The following DMXL2 variants were observed in gnomAD, a reference collection of about 807,000 sequenced individuals.
The protein encoded by DMXL2 is Dmx like 2.
Under a neutral mutation model 331.1 loss-of-function variants are expected in DMXL2, and 103 were observed. That is an observed-to-expected ratio of 0.31 (90% confidence interval 0.27 to 0.37). The LOEUF (loss-of-function observed/expected upper bound fraction) is 0.37. DMXL2 is among the 10% of genes least tolerant of loss of function. The probability of loss-of-function intolerance (pLI) is 1.00; values close to 1 mark genes in which losing one functional copy is unlikely to be tolerated. For missense variants in DMXL2, 3,171 were observed against 3,642.9 expected, an observed-to-expected ratio of 0.87 and a Z score of 3.33; for synonymous variants, 1,281 against 1,252.1, an observed-to-expected ratio of 1.02 and a Z score of -0.49.
chr15:51,506,695 C>T (rs931565830), intron 16 of DMXL2, among the ~76,000 whole-genome samples: 2 of 151,766 alleles, frequency 1.3e-5, no homozygotes, highest in Non-Finnish European at 2.9e-5. Flanking sequence ...CCTCGTGATC[C>T]GCCCACCTCG....
rs144092257 is a variant in DMXL2 at position 51,600,613 on chromosome 15, C to T, written c.87+21846G>A. Among the ~76,000 whole-genome samples, 6 of 152,302 alleles carry T rather than the reference C, an allele frequency of 3.9e-5. No individual in the cohort carries two copies. The East Asian group carries it at 1.2e-3, about 29-fold the overall frequency. The stretch of plus-strand genomic sequence containing the variant: ...AATTAAAACTGCTTGTTATTTCATG[C>T]GTTTTGTTTTACCATCTCCTCTGTA... On this transcript the variant is annotated intron_variant, in intron 1 of 43. Coordinates refer to ENST00000560891, the MANE Select transcript of DMXL2 (RefSeq NM_001378457.1).
intron 1 of DMXL2, among the ~76,000 whole-genome samples, chr15:51,609,055 C>T (rs1315355300): frequency 6.6e-6 from 1 of 151,862 alleles, no homozygotes; most frequent in Non-Finnish European, 1.5e-5. Flanking sequence ...GAATTGTCTA[C>T]AAAGAATGTA....
Position 51,448,352 on chromosome 15 carries a change from A to AT in DMXL2, c.*631dup, listed in dbSNP as rs373030881. On this transcript the variant is annotated 3_prime_UTR_variant, in exon 44 of 44. Transcript: ENST00000560891. ...AATAGAAAAACTAGCAGTCCAAAAA[A>AT]TGTGAATGTGCAAATTGTGAGTAAA... The AT allele has an allele frequency of 1.4e-4, 21 of 153,322 alleles. No individual in the cohort carries two copies. Among genetic ancestry groups the AT allele is most frequent in the African/African-American group, 5.0e-4 (21 of 41,586 alleles). 9.5% of individuals were successfully genotyped at this position (153,322 alleles called of 1,614,324 possible).
rs1180547808 is a variant in DMXL2, at chr15:51,547,371, C to A, written c.605G>T (p.Gly202Val). 1.9e-6 allele frequency: 3 copies of A among 1,610,488 alleles called. No homozygotes were observed. The highest frequency in any genetic ancestry group is 2.5e-6 in the Non-Finnish European group (3 of 1,178,484). The change falls in exon 7 of 44, where the codon GGT (glycine) becomes GTT (valine). Residue 202 changes from glycine to valine, a missense_variant. Gly to Val is a moderately radical substitution (Grantham distance 109). This residue lies in a region of DMXL2 where 1,674 missense variants were observed against 1,780.2 expected (regional missense o/e 0.94). Coordinates refer to ENST00000560891, the MANE Select transcript of DMXL2 (RefSeq NM_001378457.1). ...CLLKVWYPMT[G>V]WKSSIIPQDH... ...CTGAGGTATAATTGAAGACTTCCAACCAGTCATAGGATACCACACTTTCAA... is the reference window on the plus strand; with the variant it reads ...CTGAGGTATAATTGAAGACTTCCAAACAGTCATAGGATACCACACTTTCAA...
rs780960778 is a variant in DMXL2, at chr15:51,453,690, T to C, written c.8605-49A>G. ...ATGTTATTTTACCATTGGATAAAAT[T>C]TGATACAGTACCAACATACATGTCT... is the stretch of plus-strand genomic sequence containing the variant. On this transcript the variant is annotated intron_variant, in intron 40 of 43. Transcript: ENST00000560891. 2.9e-5 allele frequency: 42 copies of C among 1,462,872 alleles called. No homozygotes were observed. In the Admixed American group the frequency reaches 4.8e-4, roughly 17 times the overall value. The allele number at this position is 1,462,872 out of a possible 1,614,324, so 90.6% of individuals were successfully genotyped here.
At chr15:51,479,890 A>G (rs2041883245) in intron 25 of DMXL2, 58 bp downstream of exon 25, 1 of 1,291,840 alleles carries the variant, frequency 7.7e-7, no homozygotes, top group African/African-American at 1.5e-5. Flanking sequence ...AAAGACAGGT[A>G]TAACATATTT....
Position 51,466,316 on chromosome 15 carries a change from A to G in DMXL2, c.7393-5T>C. The G allele has an allele frequency of 7.6e-7, 1 of 1,311,826 alleles. No homozygotes were observed. Among genetic ancestry groups the G allele is most frequent in the Non-Finnish European group, 1.0e-6 (1 of 996,314 alleles). 81.3% of individuals were successfully genotyped at this position (1,311,826 alleles called of 1,614,324 possible). The stretch of plus-strand genomic sequence containing the variant: ...ATCAGACAAAGGAAGAAATGGCTGC[A>G]ATAAAAGGTAAAATTATTTTTTTAA... On this transcript the variant is annotated splice_region_variant and splice_polypyrimidine_tract_variant and intron_variant, in intron 29 of 43. Transcript: ENST00000560891.
chr15:51,563,988 G>C, intron 5 of DMXL2, 137 bp downstream of exon 5: 5 of 833,980 alleles, frequency 6.0e-6, no homozygotes, highest in Middle Eastern at 3.8e-4. Flanking sequence ...TATGGGTTTT[G>C]GTTAGAAAAA....
chr15:51,565,050 A>G (rs755069713), intron 4 of DMXL2, 38 bp downstream of exon 4: 1 of 1,164,980 alleles, frequency 8.6e-7, no homozygotes, highest in Non-Finnish European at 1.2e-6. Flanking sequence ...TAAAACAAAT[A>G]TTTAATTTAA....
chr15:51,611,430 T>C (rs937722706), intron 1 of DMXL2, among the ~76,000 whole-genome samples: 4 of 152,234 alleles, frequency 2.6e-5, no homozygotes, highest in Non-Finnish European at 5.9e-5. Context: ...GTAAACATTC[T>C]CAAATCAGTA....
chr15:51,505,903 GTTC>G lies in DMXL2; in HGVS notation c.2764+1228_2764+1230del, dbSNP rs146257536. On this transcript the variant is annotated intron_variant, in intron 16 of 43. Coordinates refer to ENST00000560891, the MANE Select transcript of DMXL2 (RefSeq NM_001378457.1). ...TCAATGTGATATGGCTATCCATGCAGTTCTTCATTTTAACAATTATCTCTCAAA... is the reference window on the plus strand; with the variant it reads ...TCAATGTGATATGGCTATCCATGCAGTTCATTTTAACAATTATCTCTCAAA... Among the ~76,000 whole-genome samples the G allele has an allele frequency of 9.9e-3, 1,504 of 152,250 alleles. 18 individuals carry two copies. The highest frequency in any genetic ancestry group is 0.035 in the African/African-American group (1,447 of 41,530).
chr15:51,499,212 G>A lies in DMXL2; in HGVS notation c.4012C>T (p.His1338Tyr). ...IQDGGLFEAA[H>Y]VLSPTLPQYH... The stretch of plus-strand genomic sequence containing the variant: ...TGTGGAAGAGTAGGGGAAAGTACAT[G>A]TGCAGCCTCAAATAAGCCACCATCT... Residue 1338 changes from histidine (H) to tyrosine (Y), a missense_variant, in exon 18 of 44, where the codon CAT becomes TAT. Physicochemically the swap from His to Tyr is moderately conservative, Grantham distance 83 (BLOSUM62 2). Coordinates refer to ENST00000560891, the MANE Select transcript of DMXL2 (RefSeq NM_001378457.1). 1.2e-6 allele frequency: 2 copies of A among 1,614,020 alleles called. No homozygotes were observed. The highest frequency in any genetic ancestry group is 1.7e-6 in the Non-Finnish European group (2 of 1,180,006).
At chr15:51,517,002 T>A in intron 14 of DMXL2, 76 bp downstream of exon 14, 1 of 1,098,296 alleles carries the variant, frequency 9.1e-7, no homozygotes, top group East Asian at 2.4e-5. Flanking sequence ...ATTCTGAGAA[T>A]GACATATATC....
At chr15:51,610,055 G>A (rs75586937) in intron 1 of DMXL2, among the ~76,000 whole-genome samples, 1,965 of 152,192 alleles carry the variant, frequency 0.013, 18 homozygotes, top group Middle Eastern at 0.027. Flanking sequence ...ACTGTATTTG[G>A]AAGAACGATC....
At chr15:51,545,052 A>T (rs1474130052) in intron 8 of DMXL2, among the ~76,000 whole-genome samples, 1 of 152,036 alleles carries the variant, frequency 6.6e-6, no homozygotes, top group East Asian at 1.9e-4. Context: ...TACTGTATTT[A>T]AAAATTATAA....
At chr15:51,501,419 CTA>C (rs905182632) in intron 17 of DMXL2, among the ~76,000 whole-genome samples, 4 of 152,198 alleles carry the variant, frequency 2.6e-5, no homozygotes, top group African/African-American at 9.7e-5. Flanking sequence ...ACCACCCAAA[CTA>C]TAGTCTTTTA....
At chr15:51,502,726 G>T in intron 17 of DMXL2, 80 bp downstream of exon 17, 1 of 885,532 alleles carries the variant, frequency 1.1e-6, no homozygotes, top group Non-Finnish European at 1.9e-6. Context: ...TTTCAGAAGA[G>T]TTCATCTATT....
chr15:51,560,643 C>T (rs1232271541), intron 6 of DMXL2, among the ~76,000 whole-genome samples: 11 of 145,046 alleles, frequency 7.6e-5, no homozygotes, highest in African/African-American at 2.3e-4. Flanking sequence ...CACGCTAGCC[C>T]GGGTGACGGA....
Position 51,564,159 on chromosome 15 carries a change from C to G in DMXL2, c.466G>C (p.Val156Leu), listed in dbSNP as rs1438486084. Residue 156 changes from valine to leucine, a missense_variant, in exon 5 of 44, where the codon GTT (valine) becomes CTT (leucine). Val to Leu is a conservative substitution (Grantham distance 32). Coordinates refer to ENST00000560891, the MANE Select transcript of DMXL2 (RefSeq NM_001378457.1). ...CAGACACACTTCCAATCATTTAAAA[C>G]AGGAGGAACTGTATTATCAATTTCT... The part of the protein sequence containing the change: ...EEEIDNTVPP[V>L]LNDWKCVWQC... 1 of 1,606,206 alleles carries G rather than the reference C, an allele frequency of 6.2e-7. No homozygotes were observed. The highest frequency in any genetic ancestry group is 8.5e-7 in the Non-Finnish European group (1 of 1,177,038).
Sources: allele counts gnomAD v4.1 joint callset (sites outside exome capture counted in the v4.1 genomes callset), GRCh38; gene constraint gnomAD v4.1.1; regional missense constraint gnomAD v4.1.1; transcripts MANE v1.5; gene names NCBI Gene and HGNC (gene_info 2026-07-23, HGNC 2026-07-21).